Variants in PDE11A observed in about 807,000 individuals in gnomAD.
The protein encoded by PDE11A is phosphodiesterase 11A.
PDE11A carries 100 observed loss-of-function variants against 100.5 expected under a neutral mutation model. That is an observed-to-expected ratio of 1.00 (90% CI 0.85 to 1.18). The LOEUF (loss-of-function observed/expected upper bound fraction) is 1.18. PDE11A is among the 50% of genes most tolerant of loss of function. The pLI is 0.00. For synonymous variants in PDE11A, 381 were observed against 420.8 expected, an observed-to-expected ratio of 0.91 and a Z score of 1.16; for missense variants, 1,141 against 1,152.6, an observed-to-expected ratio of 0.99 and a Z score of 0.15.
At chr2:178,054,710 A>G (rs948532505) in intron 1 of PDE11A, among the ~76,000 whole-genome samples, 4 of 152,250 alleles carry the variant, frequency 2.6e-5, no homozygotes, top group African/African-American at 9.6e-5. Flanking sequence ...CACTTCTCCA[A>G]AGAAGACATT....
At chr2:177,743,192 G>A (rs746808832) in intron 10 of PDE11A, among the ~76,000 whole-genome samples, 14 of 152,212 alleles carry the variant, frequency 9.2e-5, no homozygotes, top group Non-Finnish European at 1.5e-4. Context: ...GAAACCAGGG[G>A]TGAAACTCAA....
At chr2:177,878,684 G>C (rs1381643100) in intron 4 of PDE11A, among the ~76,000 whole-genome samples, 4 of 152,052 alleles carry the variant, frequency 2.6e-5, no homozygotes, top group Admixed American at 2.6e-4. Context: ...TGGTTTGCTG[G>C]AAGCCATGCA....
chr2:177,704,864 C>T (rs769068464), intron 13 of PDE11A, among the ~76,000 whole-genome samples: 24 of 151,580 alleles, frequency 1.6e-4, no homozygotes, highest in East Asian at 3.9e-4. Context: ...TTTTTTGAGA[C>T]GGAATCTCGC....
At position 177,769,063 on chromosome 2, in the gene PDE11A, C is replaced by T. The variant is rs1273479733; in HGVS notation, c.1788+260G>A. On this transcript the variant is annotated intron_variant, in intron 10 of 19. Coordinates refer to ENST00000286063, the MANE Select transcript of PDE11A (RefSeq NM_016953.4). ...GTCCTGATTCTCACCATATTATAGACTTTTTTTTCCCTGATATCGTGCTTT... is the reference window on the plus strand; with the variant it reads ...GTCCTGATTCTCACCATATTATAGATTTTTTTTTCCCTGATATCGTGCTTT... Among the ~76,000 whole-genome samples, 4 of 152,036 alleles carry T rather than the reference C, an allele frequency of 2.6e-5. No homozygotes were observed. The East Asian group carries it at 7.7e-4, about 29-fold the overall frequency.
Position 177,755,435 on chromosome 2 carries a change from C to T in PDE11A, c.1788+13888G>A, listed in dbSNP as rs114079799. On this transcript the variant is annotated intron_variant, in intron 10 of 19. Coordinates refer to ENST00000286063, the MANE Select transcript of PDE11A (RefSeq NM_016953.4). ...CATCTTGCCTGTATCCCAGGAAATGCCTGCCTGCCATAAAAGAGGGCATGG... is the reference window on the plus strand; with the variant it reads ...CATCTTGCCTGTATCCCAGGAAATGTCTGCCTGCCATAAAAGAGGGCATGG... Among the ~76,000 whole-genome samples the T allele has an allele frequency of 6.2e-3, 946 of 152,282 alleles. 6 individuals carry two copies. Among genetic ancestry groups the T allele is most frequent in the African/African-American group, 0.022 (896 of 41,540 alleles).
chr2:177,629,779 A>G (rs1005351063), intron 19 of PDE11A, among the ~76,000 whole-genome samples: 1 of 152,234 alleles, frequency 6.6e-6, no homozygotes, highest in Non-Finnish European at 1.5e-5. Context: ...AAAAAATAAG[A>G]CATCACCAGC....
At chr2:177,944,436 C>T (rs1275891597) in intron 2 of PDE11A, among the ~76,000 whole-genome samples, 1 of 152,140 alleles carries the variant, frequency 6.6e-6, no homozygotes, top group African/African-American at 2.4e-5. Context: ...AGGGTGCCCT[C>T]TAACTGAGTT....
intron 2 of PDE11A, among the ~76,000 whole-genome samples, chr2:177,996,053 C>A (rs2086068984): frequency 6.6e-6 from 1 of 151,974 alleles, no homozygotes; most frequent in Non-Finnish European, 1.5e-5. Flanking sequence ...ATGGTGAAAT[C>A]CCATCTCTAC....
At chr2:177,829,546 C>A (rs1002553012) in intron 6 of PDE11A, among the ~76,000 whole-genome samples, 1 of 151,482 alleles carries the variant, frequency 6.6e-6, no homozygotes, top group Non-Finnish European at 1.5e-5. Context: ...TGAGTTCAAG[C>A]AATTCTCCTG....
intron 16 of PDE11A, among the ~76,000 whole-genome samples, 194 bp downstream of exon 16, chr2:177,680,632 C>T (rs997559855): frequency 6.6e-6 from 1 of 151,996 alleles, no homozygotes; most frequent in African/African-American, 2.4e-5. Context: ...ATTTTTGAGA[C>T]AAAAATAAAT....
At chr2:178,055,808 G>A (rs1188820174) in intron 1 of PDE11A, among the ~76,000 whole-genome samples, 2 of 151,934 alleles carry the variant, frequency 1.3e-5, no homozygotes, top group Non-Finnish European at 2.9e-5. Context: ...TGGAAAAGCT[G>A]GCCTTATTAT....
intron 13 of PDE11A, among the ~76,000 whole-genome samples, chr2:177,707,888 T>G (rs3731809): frequency 0.77 from 116,416 of 152,096 alleles, 44,639 homozygotes; most frequent in East Asian, 0.84. Context: ...CTCTTGAAAG[T>G]ACTGAAAAGG....
At chr2:177,732,931 G>T (rs1192784271) in intron 10 of PDE11A, among the ~76,000 whole-genome samples, 10 of 152,142 alleles carry the variant, frequency 6.6e-5, no homozygotes, top group Non-Finnish European at 1.0e-4. Context: ...TCCCCACATT[G>T]CTGGGTTCAA....
Position 177,701,163 on chromosome 2 carries a change from C to T in PDE11A, c.2202G>A (p.Glu734=), listed in dbSNP as rs751163408. 1 of 1,608,268 alleles carries T rather than the reference C, an allele frequency of 6.2e-7. No homozygotes were observed. The highest frequency in any genetic ancestry group is 1.3e-5 in the African/African-American group (1 of 74,902). The change falls in exon 14 of 20, where the codon GAG becomes GAA. Residue 734 remains glutamate, a synonymous_variant. Coordinates refer to ENST00000286063, the MANE Select transcript of PDE11A (RefSeq NM_016953.4). Reference sequence around the variant, plus strand: ...TCACGGCGTGGTTGAAATGGTGATGCTCCAAGGTAGCAGAGGTTCCATAGA... The same window carrying T: ...TCACGGCGTGGTTGAAATGGTGATGTTCCAAGGTAGCAGAGGTTCCATAGA... ...AQLYGTSATL[E]HHHFNHAVMI... is the part of the protein sequence containing the mutation.
At chr2:178,026,870 C>A (rs979353596) in intron 1 of PDE11A, among the ~76,000 whole-genome samples, 1 of 151,964 alleles carries the variant, frequency 6.6e-6, no homozygotes, top group Non-Finnish European at 1.5e-5. Context: ...AGTTAGACCC[C>A]TATCTCACAT....
At chr2:177,786,587 T>C (rs1240721810) in intron 9 of PDE11A, among the ~76,000 whole-genome samples, 2 of 152,098 alleles carry the variant, frequency 1.3e-5, no homozygotes, top group South Asian at 2.1e-4. Context: ...ATCAAATTAC[T>C]CTGAGCTACA....
chr2:177,701,618 G>T (rs1173485521), intron 13 of PDE11A, among the ~76,000 whole-genome samples: 1 of 152,214 alleles, frequency 6.6e-6, no homozygotes, highest in Non-Finnish European at 1.5e-5. Context: ...AGGAAAAAAA[G>T]ACATAATTTC....
intron 5 of PDE11A, among the ~76,000 whole-genome samples, chr2:177,862,305 T>A (rs2083957710): frequency 6.6e-6 from 1 of 151,864 alleles, no homozygotes; most frequent in Non-Finnish European, 1.5e-5. Flanking sequence ...CATGAAAAGA[T>A]GCATAACATT....
At chr2:177,888,762 C>T in intron 4 of PDE11A, 1 of 393,234 alleles carries the variant, frequency 2.5e-6, no homozygotes, top group Non-Finnish European at 3.5e-6. Flanking sequence ...GGCTTGATAC[C>T]ACTCCACAGA....
Sources: gnomAD v4.1 joint callset for allele counts (sites outside exome capture counted in the v4.1 genomes callset) on GRCh38, gnomAD v4.1.1 for gene constraint, MANE v1.5 for transcripts, NCBI Gene and HGNC (gene_info 2026-07-23, HGNC 2026-07-21) for gene names.